CPLX2: variants seen among roughly 807,000 people sequenced by gnomAD.
The protein encoded by CPLX2 is complexin-2.
In CPLX2, 5 loss-of-function variants were observed where a neutral mutation model predicts 16.3. That is an observed-to-expected ratio of 0.31 (90% CI 0.16 to 0.64). The LOEUF (loss-of-function observed/expected upper bound fraction) is 0.64, where lower values mean the gene tolerates loss of function less well. Ranked by LOEUF, CPLX2 falls within the 30% of genes least tolerant of loss-of-function variation. The probability of loss-of-function intolerance (pLI) is 0.79; values close to 1 mark genes in which losing one functional copy is unlikely to be tolerated. For missense variants in CPLX2, 144 were observed against 181.4 expected, an observed-to-expected ratio of 0.79 and a Z score of 1.18; for synonymous variants, 89 against 73.2, an observed-to-expected ratio of 1.22 and a Z score of -1.10.
chr5:175,815,195 C>T (rs547171497), intron 2 of CPLX2, among the ~76,000 whole-genome samples: 7 of 152,298 alleles, frequency 4.6e-5, no homozygotes, highest in African/African-American at 1.2e-4. Context: ...GTCTGCTGTA[C>T]CTGAGTAAGG....
At chr5:175,821,930 G>A (rs1284460516) in intron 2 of CPLX2, among the ~76,000 whole-genome samples, 1 of 152,194 alleles carries the variant, frequency 6.6e-6, no homozygotes, top group South Asian at 2.1e-4. Flanking sequence ...ACTGATGGGG[G>A]CTGCAGAGTA....
chr5:175,848,156 T>C (rs1369745268), intron 2 of CPLX2, among the ~76,000 whole-genome samples: 4 of 151,974 alleles, frequency 2.6e-5, no homozygotes, highest in Admixed American at 2.6e-4. Context: ...CCAGAGCCCA[T>C]CATACCTATA....
rs1758281422 is a variant in CPLX2 at position 175,809,914 on chromosome 5, G to A, written c.-89+846G>A. The stretch of plus-strand genomic sequence containing the variant: ...ACATATTTGCACAGAGAGAGTGTAT[G>A]TGGATATAGAGATCGCTCGATCGCT... On this transcript the variant is annotated intron_variant, in intron 2 of 4. Coordinates refer to the CPLX2 transcript ENST00000359546. The surrounding 1 kb of genome is among the most constrained non-coding windows in gnomAD (Gnocchi z 4.4). Among the ~76,000 whole-genome samples, 1 of 152,268 alleles carries A rather than the reference G, an allele frequency of 6.6e-6. No homozygotes were observed. Among genetic ancestry groups the A allele is most frequent in the South Asian group, 2.1e-4 (1 of 4,830 alleles).
At chr5:175,876,836 G>A (rs925439295) in intron 1 of CPLX2, among the ~76,000 whole-genome samples, 4 of 152,148 alleles carry the variant, frequency 2.6e-5, no homozygotes, top group Admixed American at 2.0e-4. Context: ...CCTGTTCTTA[G>A]AAATGAAGTT....
At chr5:175,826,808 T>A (rs1362621844) in intron 2 of CPLX2, among the ~76,000 whole-genome samples, 3 of 152,172 alleles carry the variant, frequency 2.0e-5, no homozygotes, top group African/African-American at 7.2e-5. Flanking sequence ...AACTTACTAC[T>A]TGTATTCTTG....
intron 1 of CPLX2, among the ~76,000 whole-genome samples, chr5:175,802,941 C>T (rs1758127151): frequency 6.6e-6 from 1 of 152,050 alleles, no homozygotes; most frequent in South Asian, 2.1e-4. Context: ...AAGCAATTCT[C>T]CTGCCTCAGC....
chr5:175,817,854 A>C (rs1758437015), intron 2 of CPLX2, among the ~76,000 whole-genome samples: 2 of 152,234 alleles, frequency 1.3e-5, no homozygotes, highest in Non-Finnish European at 2.9e-5. Context: ...CAGGATCAGG[A>C]CTGGGGACAT....
chr5:175,866,438 G>A (rs927845582), intron 2 of CPLX2, among the ~76,000 whole-genome samples: 3 of 152,240 alleles, frequency 2.0e-5, no homozygotes, highest in Admixed American at 6.5e-5. Flanking sequence ...TGGGGGCAAG[G>A]AGACTGCAGA....
At chr5:175,864,584 G>A (rs142997564) in intron 2 of CPLX2, among the ~76,000 whole-genome samples, 9 of 152,314 alleles carry the variant, frequency 5.9e-5, no homozygotes, top group African/African-American at 1.7e-4. Flanking sequence ...GAACTGGTCC[G>A]TGTGTTAGCT....
At chr5:175,804,054 AT>A (rs1354169733) in intron 1 of CPLX2, among the ~76,000 whole-genome samples, 4 of 152,244 alleles carry the variant, frequency 2.6e-5, no homozygotes, top group African/African-American at 9.6e-5. Flanking sequence ...TGAAAACTTG[AT>A]TAAGATAAAT....
chr5:175,810,911 T>C lies in CPLX2; in HGVS notation c.-89+1843T>C, dbSNP rs147016566. The stretch of plus-strand genomic sequence containing the variant: ...CCACTCTTTCCCTCCATATAGAATG[T>C]ATTGGTTTAAGCATTCAGTGATCTC... On this transcript the variant is annotated intron_variant, in intron 2 of 4. Transcript: ENST00000359546. 4.0e-3 allele frequency among the ~76,000 whole-genome samples: 603 copies of C among 152,330 alleles called. 5 individuals are homozygous for C. Among genetic ancestry groups the C allele is most frequent in the African/African-American group, 0.013 (534 of 41,566 alleles).
At chr5:175,868,042 T>A (rs1759511111), upstream of CPLX2, among the ~76,000 whole-genome samples, 1 of 152,130 alleles carries the variant, frequency 6.6e-6, no homozygotes, top group South Asian at 2.1e-4. Flanking sequence ...ACTCTGCCCC[T>A]CCAGGCTTAG....
intron 2 of CPLX2, among the ~76,000 whole-genome samples, chr5:175,862,843 T>C (rs1428667547): frequency 6.6e-6 from 1 of 152,204 alleles, no homozygotes; most frequent in Non-Finnish European, 1.5e-5. Context: ...GCCCAGTTCA[T>C]GTGATCTGCC....
At chr5:175,827,448 A>G (rs1381971523) in intron 2 of CPLX2, among the ~76,000 whole-genome samples, 1 of 152,150 alleles carries the variant, frequency 6.6e-6, no homozygotes, top group African/African-American at 2.4e-5. Context: ...CCTCTTCAAC[A>G]TACCTTTAAA....
At chr5:175,878,135 G>C (rs368431707) in intron 1 of CPLX2, 5 of 152,582 alleles carry the variant, frequency 3.3e-5, no homozygotes, top group African/African-American at 1.2e-4. Flanking sequence ...AGCTGCCTCC[G>C]ATTGGCTGGG....
chr5:175,876,350 C>G (rs567329024), intron 1 of CPLX2, among the ~76,000 whole-genome samples: 1 of 152,058 alleles, frequency 6.6e-6, no homozygotes, highest in East Asian at 1.9e-4. Flanking sequence ...TGAGTTCTCC[C>G]AGGGAAAGAT....
At chr5:175,832,961 A>C (rs960265652) in intron 2 of CPLX2, among the ~76,000 whole-genome samples, 1 of 152,100 alleles carries the variant, frequency 6.6e-6, no homozygotes, top group African/African-American at 2.4e-5. Flanking sequence ...TTCAAGACCA[A>C]GCTGGCCAAC....
At chr5:175,859,491 A>C (rs985897088) in intron 2 of CPLX2, among the ~76,000 whole-genome samples, 2 of 152,216 alleles carry the variant, frequency 1.3e-5, no homozygotes, top group African/African-American at 4.8e-5. Context: ...TCTTGGAAGT[A>C]AGGGCACCAA....
chr5:175,863,807 C>T (rs1412117306), intron 2 of CPLX2, among the ~76,000 whole-genome samples: 2 of 152,196 alleles, frequency 1.3e-5, no homozygotes, highest in African/African-American at 2.4e-5. Context: ...ACTTTCCTCA[C>T]ACAGTTCCCA....
Sources: gnomAD v4.1 joint callset for allele counts (sites outside exome capture counted in the v4.1 genomes callset) on GRCh38, gnomAD v4.1.1 for gene constraint, Gnocchi (gnomAD v3.1) non-coding constraint, MANE v1.5 for transcripts, NCBI Gene and HGNC (gene_info 2026-07-23, HGNC 2026-07-21) for gene names.